RFX4: variants seen among roughly 807,000 people sequenced by gnomAD.
The protein encoded by RFX4 is transcription factor RFX4.
RFX4 carries 10 observed loss-of-function variants against 95.0 expected under a neutral mutation model. The observed-to-expected ratio is 0.11, with a 90% CI of 0.06 to 0.18. The LOEUF is 0.18. Ranked by LOEUF, RFX4 falls within the 10% of genes least tolerant of loss-of-function variation. The pLI is 1.00. For missense variants in RFX4, 640 were observed against 922.0 expected, an observed-to-expected ratio of 0.69 and a Z score of 3.96; for synonymous variants, 321 against 340.7, an observed-to-expected ratio of 0.94 and a Z score of 0.64.
At position 106,732,971 on chromosome 12, in the gene RFX4, C is replaced by T; in HGVS notation, c.1519C>T (p.Pro507Ser). ...IILTEAAAPT[P>S]SPVPSFSPAK... ...CTTGACAGAGGCTGCCGCACCAACCCCTTCACCAGTGCCATCGTTTTCTCC... is the reference window on the plus strand; with the variant it reads ...CTTGACAGAGGCTGCCGCACCAACCTCTTCACCAGTGCCATCGTTTTCTCC... The change falls in exon 15 of 18, where the codon CCT becomes TCT. Residue 507 changes from proline to serine, a missense_variant. By Grantham distance (74) the Pro-to-Ser change is moderately conservative. Around this residue, in one of 7 missense-constraint regions of RFX4, gnomAD observed 300 missense variants for 346.8 expected, o/e 0.87. Transcript: ENST00000392842. The T allele has an allele frequency of 6.2e-7, 1 of 1,614,146 alleles. No individual in the cohort carries two copies. Among genetic ancestry groups the T allele is most frequent in the East Asian group, 2.2e-5 (1 of 44,880 alleles).
At chr12:106,620,736 C>T (rs952772837) in intron 2 of RFX4, among the ~76,000 whole-genome samples, 1 of 152,054 alleles carries the variant, frequency 6.6e-6, no homozygotes, top group Non-Finnish European at 1.5e-5. Context: ...TTTTTCCCCA[C>T]CCTAGTAAAC....
chr12:106,601,491 G>C (rs3809240), intron 1 of RFX4: 398,924 of 752,774 alleles, frequency 0.53, 111,930 homozygotes, highest in East Asian at 0.64. Flanking sequence ...TCCTAAAATA[G>C]GCCTCAGCAC....
At chr12:106,684,485 A>G (rs2041598652) in intron 5 of RFX4, among the ~76,000 whole-genome samples, 1 of 152,224 alleles carries the variant, frequency 6.6e-6, no homozygotes, top group African/African-American at 2.4e-5. Context: ...CAGAACTGAA[A>G]TAGAAGAACT....
At chr12:106,697,420 C>T (rs1400210803) in intron 8 of RFX4, among the ~76,000 whole-genome samples, 1 of 150,806 alleles carries the variant, frequency 6.6e-6, no homozygotes, top group African/African-American at 2.4e-5. Flanking sequence ...CCAAACAACA[C>T]TGTGATGAAT....
In RFX4 at chr12:106,714,594, G is replaced by A. The variant is rs145537724; in HGVS notation, c.994-806G>A. Among the ~76,000 whole-genome samples, 442 of 151,916 alleles carry A rather than the reference G, an allele frequency of 2.9e-3. 1 individual carries two copies. The highest frequency in any genetic ancestry group is 9.8e-3 in the African/African-American group (406 of 41,440). ...ACATTTTGAAAACATGCAAATAAAG[G>A]AAATGATCCTAGATACATATTTTTC... On this transcript the variant is annotated intron_variant, in intron 10 of 17. Coordinates refer to ENST00000392842, the MANE Select transcript of RFX4 (RefSeq NM_213594.3).
At chr12:106,724,300 G>A (rs1247935811) in intron 13 of RFX4, among the ~76,000 whole-genome samples, 2 of 152,210 alleles carry the variant, frequency 1.3e-5, no homozygotes, top group Admixed American at 6.5e-5. Context: ...GGAGCTTGGA[G>A]AATTTCCTTG....
intron 15 of RFX4, among the ~76,000 whole-genome samples, chr12:106,736,346 C>T (rs1362926582): frequency 6.6e-6 from 1 of 152,152 alleles, no homozygotes. Context: ...ATTAGAAATG[C>T]TCTTATCTGG....
chr12:106,630,994 C>G (rs774717757), intron 2 of RFX4, among the ~76,000 whole-genome samples: 1 of 152,218 alleles, frequency 6.6e-6, no homozygotes, highest in Non-Finnish European at 1.5e-5. Flanking sequence ...CACTATGTGA[C>G]CTCAGACAAA....
At chr12:106,613,824 C>T (rs1031073756) in intron 2 of RFX4, among the ~76,000 whole-genome samples, 8 of 152,260 alleles carry the variant, frequency 5.3e-5, no homozygotes, top group African/African-American at 1.9e-4. Context: ...GAGTTCTGAA[C>T]ATTCTTGTAT....
chr12:106,695,071 C>T (rs1026089293), intron 7 of RFX4, among the ~76,000 whole-genome samples: 2 of 151,994 alleles, frequency 1.3e-5, no homozygotes, highest in African/African-American at 4.8e-5. Flanking sequence ...TAATACTTGC[C>T]CCAAAATGTT....
chr12:106,737,756 A>G (rs1004143049), intron 15 of RFX4, among the ~76,000 whole-genome samples: 6 of 152,192 alleles, frequency 3.9e-5, no homozygotes, highest in African/African-American at 1.4e-4. Flanking sequence ...TGGGTTGTTG[A>G]TAAATGGCAT....
At chr12:106,619,710 A>T (rs56339686) in intron 2 of RFX4, among the ~76,000 whole-genome samples, 14,694 of 152,248 alleles carry the variant, frequency 0.097, 832 homozygotes, top group South Asian at 0.17. Flanking sequence ...AGCTGCAGTT[A>T]CATGAATATT....
chr12:106,734,910 A>T (rs1465970071), intron 15 of RFX4, among the ~76,000 whole-genome samples: 2 of 152,114 alleles, frequency 1.3e-5, no homozygotes, highest in East Asian at 1.9e-4. Context: ...CAAGCTTTTT[A>T]AAAAAGTTAG....
intron 4 of RFX4, among the ~76,000 whole-genome samples, chr12:106,659,263 T>A (rs941703412): frequency 1.3e-5 from 2 of 152,146 alleles, no homozygotes; most frequent in African/African-American, 2.4e-5. Flanking sequence ...GGACCCACAG[T>A]GAGGAAGGGA....
At chr12:106,679,634 G>A (rs926214583) in intron 4 of RFX4, among the ~76,000 whole-genome samples, 5 of 152,138 alleles carry the variant, frequency 3.3e-5, no homozygotes, top group Non-Finnish European at 7.4e-5. Flanking sequence ...TTGCTTGGGT[G>A]GTTAGGAAAC....
intron 15 of RFX4, among the ~76,000 whole-genome samples, chr12:106,743,349 C>G (rs2042837992): frequency 6.6e-6 from 1 of 152,216 alleles, no homozygotes; most frequent in South Asian, 2.1e-4. Context: ...GCAATTCTCA[C>G]TGGAGGTCTC....
intron 2 of RFX4, among the ~76,000 whole-genome samples, chr12:106,613,426 A>G (rs987728167): frequency 1.3e-5 from 2 of 150,804 alleles, no homozygotes; most frequent in Non-Finnish European, 3.0e-5. Flanking sequence ...GCAATGGCAC[A>G]ATCTTGGCTC....
At chr12:106,628,490 T>C (rs1303398140) in intron 2 of RFX4, among the ~76,000 whole-genome samples, 3 of 152,236 alleles carry the variant, frequency 2.0e-5, no homozygotes, top group Admixed American at 6.5e-5. Flanking sequence ...GGACCACTTA[T>C]CCATTTGAGT....
rs1487861651 is a variant in RFX4 at position 106,761,602 on chromosome 12, C to CT, written c.*134dup. ...GGGCTATTCCTAAGTGCCCATTTTC[C>CT]TAATGAACATGAGGATGGGATCAAT... On this transcript the variant is annotated 3_prime_UTR_variant, in exon 18 of 18. Transcript: ENST00000392842. 3 of 560,472 alleles carry CT rather than the reference C, an allele frequency of 5.4e-6. No individual in the cohort carries two copies. Among genetic ancestry groups the CT allele is most frequent in the Non-Finnish European group, 7.5e-6 (3 of 400,116 alleles). The allele number at this position is 560,472 out of a possible 1,614,324, so 34.7% of individuals were successfully genotyped here.
Sources: allele counts gnomAD v4.1 joint callset (sites outside exome capture counted in the v4.1 genomes callset), GRCh38; gene constraint gnomAD v4.1.1; regional missense constraint gnomAD v4.1.1; transcripts MANE v1.5; gene names NCBI Gene and HGNC (gene_info 2026-07-23, HGNC 2026-07-21).